The following BPIFB3 variants were observed in gnomAD, a reference collection of about 807,000 sequenced individuals.
BPIFB3 encodes BPI fold containing family B member 3.
A neutral mutation model predicts 53.1 loss-of-function variants in BPIFB3; 49 were observed. The ratio of observed to expected loss-of-function variants is 0.92; its 90% CI spans 0.73 to 1.17. The LOEUF (loss-of-function observed/expected upper bound fraction) is 1.17, where lower values mean the gene tolerates loss of function less well. Among genes scored for constraint, BPIFB3 ranks in the 50% most tolerant of loss-of-function variants. The pLI is 0.00. For missense variants in BPIFB3, 628 were observed against 592.5 expected, an observed-to-expected ratio of 1.06 and a Z score of -0.62; for synonymous variants, 271 against 269.6, an observed-to-expected ratio of 1.01 and a Z score of -0.05.
chr20:33,066,907 T>C (rs113141530), intron 9 of BPIFB3, 30 bp downstream of exon 10: 4 of 1,606,536 alleles, frequency 2.5e-6, no homozygotes, highest in East Asian at 2.2e-5. Flanking sequence ...GTTTTGATCA[T>C]TGTAGCTCTT....
At chr20:33,058,736 G>A (rs1190210922) in intron 2 of BPIFB3, among the ~76,000 whole-genome samples, 4 of 152,038 alleles carry the variant, frequency 2.6e-5, no homozygotes, top group Non-Finnish European at 5.9e-5. Flanking sequence ...GGGCAGTGAT[G>A]GAGGCAGCCC....
At chr20:33,064,574 C>G in intron 7 of BPIFB3, 26 bp downstream of exon 8, 1 of 1,613,134 alleles carries the variant, frequency 6.2e-7, no homozygotes, top group East Asian at 2.2e-5. Flanking sequence ...GGCCTCTCCT[C>G]CTGCTGGGGG....
At chr20:33,066,062 G>A (rs1322858462) in intron 8 of BPIFB3, among the ~76,000 whole-genome samples, 1 of 152,354 alleles carries the variant, frequency 6.6e-6, no homozygotes. Flanking sequence ...AGGAATGTCA[G>A]AGGCCTCGTC....
At chr20:33,069,847 C>T in intron 10 of BPIFB3, 41 bp from the exon 12 acceptor site, 1 of 1,610,324 alleles carries the variant, frequency 6.2e-7, no homozygotes, top group South Asian at 1.1e-5. Context: ...CAAGCTCCTT[C>T]TGCCGATTGG....
intron 12 of BPIFB3, 65 bp from the exon 14 acceptor site, chr20:33,072,039 A>G (rs1980921606): frequency 1.3e-6 from 2 of 1,548,774 alleles, no homozygotes; most frequent in East Asian, 4.5e-5. Context: ...TGGGAACGGG[A>G]TGCTGCTGCC....
chr20:33,064,841 A>C, exon 8 of BPIFB3: 3 of 1,612,086 alleles, frequency 1.9e-6, no homozygotes, highest in Non-Finnish European at 2.5e-6. Context: ...ATCACCCCTG[A>C]GCTGGTGAGT....
At chr20:33,055,045 A>G (rs1453346627), upstream of BPIFB3, among the ~76,000 whole-genome samples, 6 of 152,232 alleles carry the variant, frequency 3.9e-5, no homozygotes, top group African/African-American at 9.6e-5. Context: ...ACACCCGGCC[A>G]GGCTCACTGG....
upstream of BPIFB3, among the ~76,000 whole-genome samples, chr20:33,054,387 G>C (rs999905103): frequency 6.6e-6 from 1 of 152,154 alleles, no homozygotes; most frequent in Non-Finnish European, 1.5e-5. Flanking sequence ...ACAAACAGAT[G>C]CATAATTGCA....
rs141246740 is a variant in BPIFB3, at chr20:33,061,685, G to A, written c.528-83G>A. 7 of 1,352,266 alleles carry A rather than the reference G, an allele frequency of 5.2e-6. No individual in the cohort carries two copies. In the East Asian group the frequency reaches 9.5e-5, roughly 18 times the overall value. 83.8% of individuals were successfully genotyped at this position (1,352,266 alleles called of 1,614,324 possible). A position where few individuals can be genotyped will look rare whatever the true frequency, so the allele number is the denominator to read the frequency against. ...AGAGAAGGGAGAGGAGAAATCCAGAGCCCCTAGTGTCCGCCCGACCCTGTC... is the reference window on the plus strand; with the variant it reads ...AGAGAAGGGAGAGGAGAAATCCAGAACCCCTAGTGTCCGCCCGACCCTGTC... On this transcript the variant is annotated intron_variant, in intron 4 of 14. Transcript: ENST00000375494.
chr20:33,065,601 AGAAGGAAGGAAG>A (rs138287230), intron 8 of BPIFB3, among the ~76,000 whole-genome samples: 1 of 151,068 alleles, frequency 6.6e-6, no homozygotes, highest in Non-Finnish European at 1.5e-5. Context: ...AAGGAAGGAA[AGAAGGAAGGAAG>A]GAAGGAAGGA....
intron 9 of BPIFB3, 149 bp downstream of exon 10, chr20:33,067,026 G>A (rs766778345): frequency 1.8e-5 from 14 of 795,850 alleles, no homozygotes; most frequent in South Asian, 8.4e-5. Flanking sequence ...TGACTAACAC[G>A]ACATCCTTTC....
Position 33,071,302 on chromosome 20 carries a change from TC to T in BPIFB3, c.1260+9del, listed in dbSNP as rs1186382350. The T allele has an allele frequency of 3.2e-6, 5 of 1,560,180 alleles. No individual in the cohort carries two copies. Among genetic ancestry groups the T allele is most frequent in the Middle Eastern group, 1.7e-4 (1 of 5,998 alleles). On this transcript the variant is annotated splice_region_variant and intron_variant, in intron 12 of 14. Transcript: ENST00000375494. ...CTTTACCCATGCCTTTGACGTAAGT[TC>T]CTGGGAGGGTGAGGGGCTTGGCAGT...
At chr20:33,069,280 C>T (rs777001633) in intron 10 of BPIFB3, among the ~76,000 whole-genome samples, 23 of 152,238 alleles carry the variant, frequency 1.5e-4, no homozygotes, top group South Asian at 1.5e-3. Flanking sequence ...ATCTCCCTGA[C>T]GACCCTCCAG....
At chr20:33,063,511 TC>T in intron 5 of BPIFB3, 103 bp from the exon 7 acceptor site, 1 of 1,308,302 alleles carries the variant, frequency 7.6e-7, no homozygotes, top group South Asian at 1.2e-5. Context: ...CTTGCCTTGG[TC>T]CCCAGCACCA....
rs555990387 is a variant in BPIFB3, at chr20:33,061,972, T to C, written c.591+141T>C. On this transcript the variant is annotated intron_variant, in intron 5 of 14. Transcript: ENST00000375494. ...CCCACCTGGTAATCCCATCCGGGCC[T>C]GCTGACCGGCCTTCCTGGCGCGCCT... The C allele has an allele frequency of 3.0e-4, 299 of 1,004,036 alleles. 3 individuals are homozygous for C. In the South Asian group the frequency reaches 3.1e-3, roughly 10 times the overall value. 62.2% of individuals were successfully genotyped at this position (1,004,036 alleles called of 1,614,324 possible).
At chr20:33,060,007 T>C (rs756598989) in exon 4 of BPIFB3, 2 of 1,614,120 alleles carry the variant, frequency 1.2e-6, no homozygotes, top group Middle Eastern at 1.6e-4. Context: ...AGCACGCTCC[T>C]GGGCCACATC....
At chr20:33,069,280 C>A (rs777001633) in intron 10 of BPIFB3, among the ~76,000 whole-genome samples, 2 of 152,120 alleles carry the variant, frequency 1.3e-5, no homozygotes, top group South Asian at 4.1e-4. Context: ...ATCTCCCTGA[C>A]GACCCTCCAG....
At chr20:33,063,997 C>T (rs550409956) in intron 6 of BPIFB3, among the ~76,000 whole-genome samples, 123 of 152,232 alleles carry the variant, frequency 8.1e-4, no homozygotes, top group African/African-American at 2.8e-3. Context: ...ACTAGATGAC[C>T]GAGGCCCAGA....
At position 33,060,767 on chromosome 20, in the gene BPIFB3, G is replaced by A. The variant is rs1013575341; in HGVS notation, c.527+736G>A. ...TTTAATAGAGACGGGGTTTCACCAT[G>A]TTGGCCAGGCTGGTCTCGAACTCCT... is the stretch of plus-strand genomic sequence containing the variant. On this transcript the variant is annotated intron_variant, in intron 4 of 14. Transcript: ENST00000375494. Among the ~76,000 whole-genome samples, 123 of 152,134 alleles carry A rather than the reference G, an allele frequency of 8.1e-4. 1 individual carries two copies. The highest frequency in any genetic ancestry group is 1.3e-4 in the Non-Finnish European group (9 of 68,026).
Sources: gnomAD v4.1 joint callset for allele counts (sites outside exome capture counted in the v4.1 genomes callset) on GRCh38, gnomAD v4.1.1 for gene constraint, MANE v1.5 for transcripts, NCBI Gene and HGNC (gene_info 2026-07-23, HGNC 2026-07-21) for gene names.